The following MARVELD2 variants were observed in gnomAD, a reference collection of about 807,000 sequenced individuals.
The protein encoded by MARVELD2 is MARVEL domain containing 2, also known as MARVEL domain-containing protein 2.
MARVELD2 carries 49 observed loss-of-function variants against 57.6 expected under a neutral mutation model. The ratio of observed to expected loss-of-function variants is 0.85; its 90% confidence interval spans 0.68 to 1.08. The LOEUF is 1.08. MARVELD2 is among the 50% of genes least tolerant of loss of function. The pLI is 0.00. For synonymous variants in MARVELD2, 238 were observed against 258.8 expected, an observed-to-expected ratio of 0.92 and a Z score of 0.77; for missense variants, 606 against 701.1, an observed-to-expected ratio of 0.86 and a Z score of 1.53.
intron 2 of MARVELD2, among the ~76,000 whole-genome samples, chr5:69,424,105 T>G (rs896380185): frequency 8.5e-5 from 13 of 152,206 alleles, no homozygotes; most frequent in African/African-American, 3.1e-4. Context: ...TTTTATTTCT[T>G]TTTCCTTTCT....
intron 5 of MARVELD2, among the ~76,000 whole-genome samples, chr5:69,440,163 A>G (rs539816488): frequency 3.9e-5 from 6 of 152,310 alleles, no homozygotes; most frequent in Non-Finnish European, 7.4e-5. Flanking sequence ...CAGTAAGGAA[A>G]CTGAACTTGC....
At chr5:69,433,921 T>C (rs113730822) in intron 5 of MARVELD2, among the ~76,000 whole-genome samples, 47 of 152,282 alleles carry the variant, frequency 3.1e-4, no homozygotes, top group African/African-American at 1.1e-3. Context: ...TCTTTTTTTT[T>C]TTTCACTCTG....
chr5:69,425,950 G>A lies in MARVELD2; in HGVS notation c.1182+1314G>A, dbSNP rs1262276148. Among the ~76,000 whole-genome samples, 13 of 151,800 alleles carry A rather than the reference G, an allele frequency of 8.6e-5. No individual in the cohort carries two copies. The East Asian group carries it at 2.5e-3, about 29-fold the overall frequency. ...TCACCATGTTAGCTAGTTTCACGAG[G>A]TCAGGATGTTCTCGATCTCCTGACC... On this transcript the variant is annotated intron_variant, in intron 3 of 6. Coordinates refer to ENST00000325631, the MANE Select transcript of MARVELD2 (RefSeq NM_001038603.3).
intron 1 of MARVELD2, chr5:69,419,134 C>G: frequency 1.7e-6 from 1 of 578,130 alleles, no homozygotes; most frequent in South Asian, 2.1e-5. Context: ...CCATGTTGGT[C>G]AGGCTGGTCT....
intron 2 of MARVELD2, 125 bp downstream of exon 2, chr5:69,420,656 T>A: frequency 5.0e-6 from 4 of 797,026 alleles, no homozygotes; most frequent in Non-Finnish European, 7.5e-6. Context: ...CTTTCTTCCT[T>A]TTTTTTTTTT....
At chr5:69,436,402 AACACACACAC>A (rs66984523) in intron 5 of MARVELD2, among the ~76,000 whole-genome samples, 1,662 of 123,898 alleles carry the variant, frequency 0.013, 35 homozygotes, top group African/African-American at 0.047. Context: ...TATGTATGGG[AACACACACAC>A]ACACACACAC....
rs915143729 is a variant in MARVELD2 at position 69,444,262 on chromosome 5, C to T, written c.*2608C>T. 1.3e-5 allele frequency: 2 copies of T among 152,168 alleles called. No homozygotes were observed. Among genetic ancestry groups the T allele is most frequent in the Non-Finnish European group, 1.5e-5 (1 of 67,984 alleles). 9.4% of individuals were successfully genotyped at this position (152,168 alleles called of 1,614,324 possible). On this transcript the variant is annotated 3_prime_UTR_variant, in exon 7 of 7. Transcript: ENST00000325631. ...TTTGCCTTCCTAGCATTCCTGTGTTCACTGTGCATGTTCTTGAAAATATTT... is the reference window on the plus strand; with the variant it reads ...TTTGCCTTCCTAGCATTCCTGTGTTTACTGTGCATGTTCTTGAAAATATTT...
At position 69,420,113 on chromosome 5, in the gene MARVELD2, A is replaced by G. The variant is rs115738510; in HGVS notation, c.728A>G (p.Tyr243Cys). 480 of 1,614,096 alleles carry G rather than the reference A, an allele frequency of 3.0e-4. 1 individual carries two copies. The highest frequency in any genetic ancestry group is 3.8e-4 in the Non-Finnish European group (452 of 1,180,016). The change falls in exon 2 of 7, where the codon TAT becomes TGT. Residue 243 changes from tyrosine to cysteine, a missense_variant. Physicochemically the swap from Tyr to Cys is radical, Grantham distance 194. Coordinates refer to ENST00000325631, the MANE Select transcript of MARVELD2 (RefSeq NM_001038603.3). ...MGGVGGLGSM[Y>C]GGYYYTGPKT... Reference sequence around the variant, plus strand: ...GGCGTTGGTGGATTGGGCAGTATGTATGGGGGCTATTACTACACTGGCCCT... The same window carrying G: ...GGCGTTGGTGGATTGGGCAGTATGTGTGGGGGCTATTACTACACTGGCCCT...
intron 6 of MARVELD2, 64 bp downstream of exon 6, chr5:69,440,564 C>A: frequency 4.3e-6 from 4 of 940,482 alleles, no homozygotes; most frequent in Non-Finnish European, 6.8e-6. Context: ...AATTTACAGA[C>A]TCTAGATTCT....
At chr5:69,418,593 A>G (rs540626518) in intron 1 of MARVELD2, among the ~76,000 whole-genome samples, 129 of 152,242 alleles carry the variant, frequency 8.5e-4, no homozygotes, top group Admixed American at 2.1e-3. Flanking sequence ...ACTTTTTTAC[A>G]TCTAGTTTCA....
At chr5:69,417,051 C>T (rs1455473664) in intron 1 of MARVELD2, among the ~76,000 whole-genome samples, 1 of 152,232 alleles carries the variant, frequency 6.6e-6, no homozygotes, top group African/African-American at 2.4e-5. Context: ...CACTTTGCTG[C>T]TGCCACAGTA....
At chr5:69,430,303 G>A (rs923154881) in intron 3 of MARVELD2, among the ~76,000 whole-genome samples, 1 of 151,494 alleles carries the variant, frequency 6.6e-6, no homozygotes, top group African/African-American at 2.4e-5. Flanking sequence ...GGAGGCAGAG[G>A]TTGCAGTGAG....
At chr5:69,426,742 T>C (rs1766806203) in intron 3 of MARVELD2, among the ~76,000 whole-genome samples, 2 of 152,210 alleles carry the variant, frequency 1.3e-5, no homozygotes, top group Non-Finnish European at 2.9e-5. Context: ...TCACCCAGGC[T>C]GAGGGCAGCC....
intron 2 of MARVELD2, 103 bp downstream of exon 2, chr5:69,420,634 T>C: frequency 8.7e-7 from 1 of 1,150,884 alleles, no homozygotes; most frequent in Non-Finnish European, 1.2e-6. Flanking sequence ...AAAGCTTTCA[T>C]AGAAATCTTT....
chr5:69,431,101 T>G (rs897444817), intron 3 of MARVELD2, among the ~76,000 whole-genome samples: 9 of 147,072 alleles, frequency 6.1e-5, no homozygotes, highest in African/African-American at 2.0e-4. Flanking sequence ...GGCCTCAACC[T>G]CACTTCTTTT....
At chr5:69,419,238 T>C in intron 1 of MARVELD2, 133 bp from the exon 2 acceptor site, 1 of 967,004 alleles carries the variant, frequency 1.0e-6, no homozygotes, top group Non-Finnish European at 1.6e-6. Flanking sequence ...ATATTTATCA[T>C]TTTTGTATAT....
chr5:69,429,755 G>A (rs1281764991), intron 3 of MARVELD2, among the ~76,000 whole-genome samples: 1 of 151,696 alleles, frequency 6.6e-6, no homozygotes, highest in African/African-American at 2.4e-5. Context: ...AAGGAGGGAG[G>A]ATAGGTTGAG....
intron 4 of MARVELD2, 39 bp from the exon 5 acceptor site, chr5:69,432,883 G>T: frequency 2.5e-6 from 4 of 1,613,072 alleles, no homozygotes; most frequent in Non-Finnish European, 3.4e-6. Context: ...GCTTCTTTTA[G>T]TGAAACAATT....
rs1234622098 is a variant in MARVELD2 at position 69,433,048 on chromosome 5, G to A, written c.1458G>A (p.Leu486=). ...VQAVLRKFDE[L]DAVMSRLPHH... ...CTGTCCTGAGGAAGTTTGATGAGCT[G>A]GATGCAGTGATGAGCAGATTGCCAC... Residue 486 remains leucine (L), a synonymous_variant, in exon 5 of 7, where the codon CTG becomes CTA. Coordinates refer to ENST00000325631, the MANE Select transcript of MARVELD2 (RefSeq NM_001038603.3). 6.2e-7 allele frequency: 1 copy of A among 1,614,148 alleles called. No individual in the cohort carries two copies. Among genetic ancestry groups the A allele is most frequent in the Admixed American group, 1.7e-5 (1 of 60,014 alleles).
Sources: gnomAD v4.1 joint callset for allele counts (sites outside exome capture counted in the v4.1 genomes callset) on GRCh38, gnomAD v4.1.1 for gene constraint, MANE v1.5 for transcripts, NCBI Gene and HGNC (gene_info 2026-07-23, HGNC 2026-07-21) for gene names.